Variants in LAMA3 observed in about 807,000 individuals in gnomAD.
The protein encoded by LAMA3 is laminin subunit alpha 3.
LAMA3 carries 281 observed loss-of-function variants against 402.0 expected under a neutral mutation model. The observed-to-expected ratio is 0.70, with a 90% confidence interval of 0.63 to 0.77. LAMA3 has a LOEUF of 0.77. Among genes scored for constraint, LAMA3 ranks in the 30% least tolerant of loss-of-function variants. The pLI is 0.00. For synonymous variants in LAMA3, 1,431 were observed against 1,558.4 expected (o/e 0.92, Z 1.93); for missense variants, 3,840 against 4,215.5 (o/e 0.91, Z 2.47).
At chr18:23,876,254 T>C in intron 38 of LAMA3, 40 bp from the exon 39 acceptor site, 1 of 1,339,338 alleles carries the variant, frequency 7.5e-7, no homozygotes, top group Non-Finnish European at 1.1e-6. Context: ...GTAATTGTTT[T>C]CTTTCTTTGT....
intron 70 of LAMA3, among the ~76,000 whole-genome samples, chr18:23,949,546 A>T (rs931983796): frequency 1.3e-5 from 2 of 152,144 alleles, no homozygotes; most frequent in African/African-American, 4.8e-5. Flanking sequence ...CCACCCACCC[A>T]ACATCTGGTA....
intron 1 of LAMA3, 76 bp downstream of exon 1, chr18:23,690,053 G>C (rs1334989268): frequency 2.5e-6 from 3 of 1,187,742 alleles, no homozygotes; most frequent in Admixed American, 3.3e-5. Context: ...AGAAGGGATC[G>C]GGCCCTTTCC....
intron 9 of LAMA3, among the ~76,000 whole-genome samples, chr18:23,775,227 G>A (rs942842246): frequency 2.6e-5 from 4 of 152,208 alleles, no homozygotes; most frequent in Non-Finnish European, 5.9e-5. Context: ...TTACTCCAGT[G>A]CAAGCCTGAT....
At chr18:23,819,387 A>G (rs377306187) in intron 18 of LAMA3, among the ~76,000 whole-genome samples, 6 of 152,228 alleles carry the variant, frequency 3.9e-5, no homozygotes, top group South Asian at 2.1e-4. Context: ...TAAATTTAGC[A>G]TATGAAATAT....
chr18:23,710,177 T>TTG lies in LAMA3; in HGVS notation c.295-3742_295-3741insGT, dbSNP rs2060965049. 21 of 684,770 alleles carry TTG rather than the reference T, an allele frequency of 3.1e-5. No individual in the cohort carries two copies. In the Middle Eastern group the frequency reaches 2.2e-3, roughly 72 times the overall value. The allele number at this position is 684,770 out of a possible 1,614,324, so 42.4% of individuals were successfully genotyped here. ...GAAGGTGGGTGACGTGCAGATCTTT[T>TTG]TTTGTGTGGCTGTGGACACCTTTAA... On this transcript the variant is annotated intron_variant, in intron 1 of 74. Coordinates refer to ENST00000313654, the MANE Select transcript of LAMA3 (RefSeq NM_198129.4).
intron 7 of LAMA3, among the ~76,000 whole-genome samples, chr18:23,758,874 A>G (rs2061909597): frequency 6.6e-6 from 1 of 152,194 alleles, no homozygotes; most frequent in Non-Finnish European, 1.5e-5. Flanking sequence ...TTGAGGACCA[A>G]GGTCCAGAGA....
intron 7 of LAMA3, among the ~76,000 whole-genome samples, chr18:23,759,330 CAA>C (rs34457452): frequency 0.035 from 3,994 of 112,606 alleles, 169 homozygotes; most frequent in African/African-American, 0.12. Flanking sequence ...AAGATCCTGT[CAA>C]AAAAAAAAAA....
chr18:23,830,897 A>G (rs1402265381), intron 23 of LAMA3, among the ~76,000 whole-genome samples: 3 of 152,146 alleles, frequency 2.0e-5, no homozygotes, highest in Non-Finnish European at 2.9e-5. Context: ...TTCCTTCCTG[A>G]CATTACCTCT....
chr18:23,698,655 A>G (rs2060732332), intron 1 of LAMA3, among the ~76,000 whole-genome samples: 1 of 152,266 alleles, frequency 6.6e-6, no homozygotes. Flanking sequence ...TGATTCTTAA[A>G]GTAGATTCCA....
chr18:23,804,172 T>C, intron 12 of LAMA3, among the ~76,000 whole-genome samples: 1 of 152,224 alleles, frequency 6.6e-6, no homozygotes, highest in East Asian at 1.9e-4. Context: ...ATGGCTTATA[T>C]GTAGACGGTG....
chr18:23,944,043 T>A, intron 69 of LAMA3, 72 bp downstream of exon 69: 1 of 1,413,136 alleles, frequency 7.1e-7, no homozygotes, highest in Non-Finnish European at 9.8e-7. Context: ...AAAATAGGAG[T>A]CCCAGCATCC....
At chr18:23,863,498 A>C (rs901174054) in intron 35 of LAMA3, among the ~76,000 whole-genome samples, 10 of 152,218 alleles carry the variant, frequency 6.6e-5, no homozygotes, top group South Asian at 6.2e-4. Flanking sequence ...TCTTGAAGGC[A>C]GGAGTGCAAA....
chr18:23,951,839 G>T (rs977744908), intron 73 of LAMA3, 62 bp downstream of exon 73: 5 of 1,328,082 alleles, frequency 3.8e-6, no homozygotes, highest in South Asian at 1.2e-5. Context: ...ATTTTGACTT[G>T]AACATCCCAA....
chr18:23,936,095 G>T (rs1338297402), intron 67 of LAMA3, among the ~76,000 whole-genome samples: 1 of 151,926 alleles, frequency 6.6e-6, no homozygotes, highest in Non-Finnish European at 1.5e-5. Context: ...CAACCTTACA[G>T]GTCAGGAAAT....
At chr18:23,774,860 A>G (rs989102051) in intron 9 of LAMA3, among the ~76,000 whole-genome samples, 14 of 152,356 alleles carry the variant, frequency 9.2e-5, no homozygotes, top group African/African-American at 3.4e-4. Flanking sequence ...ATCATGCTGC[A>G]AAGTATGTCT....
In LAMA3 at chr18:23,898,317, G is replaced by A. The variant is rs903867574; in HGVS notation, c.5614-421G>A. On this transcript the variant is annotated intron_variant, in intron 44 of 74. Transcript: ENST00000313654. ...AGAGCTCTGAGTTCCCTGTGGTTCT[G>A]TTGGACGAGATTCTTTGAATAGATT... is the stretch of plus-strand genomic sequence containing the variant. The A allele has an allele frequency of 3.8e-5, 7 of 185,602 alleles. No homozygotes were observed. In the Admixed American group the frequency reaches 3.8e-4, roughly 10 times the overall value. 11.5% of individuals were successfully genotyped at this position (185,602 alleles called of 1,614,324 possible). A position where few individuals can be genotyped will look rare whatever the true frequency, so the allele number is the denominator to read the frequency against.
chr18:23,831,206 A>G (rs769736095), intron 23 of LAMA3, among the ~76,000 whole-genome samples: 12 of 152,164 alleles, frequency 7.9e-5, no homozygotes. Context: ...TCTCCAGACT[A>G]TAGCCAGCAC....
intron 17 of LAMA3, 53 bp from the exon 18 acceptor site, chr18:23,816,335 G>T: frequency 1.4e-6 from 2 of 1,399,636 alleles, no homozygotes; most frequent in Non-Finnish European, 2.0e-6. Context: ...CAGGGGAGGC[G>T]CTCAGTGTGG....
intron 8 of LAMA3, among the ~76,000 whole-genome samples, chr18:23,772,750 T>A (rs952240869): frequency 6.6e-6 from 1 of 152,272 alleles, no homozygotes; most frequent in Non-Finnish European, 1.5e-5. Context: ...CTTGTTAACT[T>A]CTTATTGCCT....
Sources: allele counts gnomAD v4.1 joint callset (sites outside exome capture counted in the v4.1 genomes callset), GRCh38; gene constraint gnomAD v4.1.1; transcripts MANE v1.5; gene names NCBI Gene and HGNC (gene_info 2026-07-23, HGNC 2026-07-21).